The following ALKBH7 variants were observed in gnomAD, a reference collection of about 807,000 sequenced individuals.
ALKBH7 encodes the protein alkB homolog 7, RNA demethylase, also known as RNA demethylase ALKBH7, mitochondrial.
In ALKBH7, 21 loss-of-function variants were observed where a neutral mutation model predicts 19.3. That is an observed-to-expected ratio of 1.09 (90% CI 0.77 to 1.56). ALKBH7 has a LOEUF of 1.56. Ranked by LOEUF, ALKBH7 falls within the 40% of genes most tolerant of loss-of-function variation. The pLI, the probability that ALKBH7 is intolerant of heterozygous loss-of-function variation, is 0.00. For synonymous variants in ALKBH7, 147 were observed against 139.5 expected, an observed-to-expected ratio of 1.05 and a Z score of -0.38; for missense variants, 354 against 311.4, an observed-to-expected ratio of 1.14 and a Z score of -1.03.
chr19:6,374,642 C>T (rs1599203398), intron 3 of ALKBH7, 53 bp downstream of exon 3: 2 of 1,611,284 alleles, frequency 1.2e-6, no homozygotes, highest in Non-Finnish European at 1.7e-6. Context: ...ATCCGCCCAC[C>T]CTGTGCCCTG....
At chr19:6,374,636 G>A (rs2091911988) in intron 3 of ALKBH7, 47 bp downstream of exon 3, 9 of 1,611,324 alleles carry the variant, frequency 5.6e-6, no homozygotes, top group South Asian at 4.4e-5. Flanking sequence ...TGTGCCATCC[G>A]CCCACCCTGT....
chr19:6,373,545 G>C, intron 1 of ALKBH7: 1 of 871,364 alleles, frequency 1.1e-6, no homozygotes, highest in Admixed American at 4.2e-5. Context: ...GGCTGGGATT[G>C]GGGCGTGGTC....
Position 6,374,538 on chromosome 19 carries a change from CG to C in ALKBH7, c.457del (p.Glu153SerfsTer48). ...SVMRLVHTQEPGEWLELLLEP... is the reference protein window; with the variant it reads ...SVMRLVHTQEXGEWLELLLEP... ...ATGCGGCTGGTGCACACCCAGGAGC[CG>C]GGGGAGTGGCTGGAACTCTTGCTGG... On this transcript the variant is annotated frameshift_variant, in exon 3 of 4. Transcript: ENST00000245812. LOFTEE classifies it high-confidence loss of function. The C allele has an allele frequency of 6.2e-7, 1 of 1,613,918 alleles. No homozygotes were observed. The highest frequency in any genetic ancestry group is 8.5e-7 in the Non-Finnish European group (1 of 1,179,968).
At chr19:6,373,137 A>T in intron 1 of ALKBH7, 113 bp downstream of exon 1, 1 of 1,314,698 alleles carries the variant, frequency 7.6e-7, no homozygotes, top group Non-Finnish European at 1.0e-6. Context: ...TAGAGCGGGG[A>T]TTTGGAGCGG....
chr19:6,373,389 G>A, intron 1 of ALKBH7: 1 of 430,212 alleles, frequency 2.3e-6, no homozygotes, highest in South Asian at 3.6e-5. Context: ...TGGGGGCGGG[G>A]ACAGTGGGGA....
chr19:6,374,750 G>T, intron 3 of ALKBH7, 61 bp from the exon 4 acceptor site: 1 of 1,596,214 alleles, frequency 6.3e-7, no homozygotes. Flanking sequence ...CTGGAATCCA[G>T]GTCTGCCTGG....
In ALKBH7 at chr19:6,372,849, GGAC is replaced by G. The variant is rs2091897256; in HGVS notation, c.31_33del (p.Thr11del). On this transcript the variant is annotated inframe_deletion, in exon 1 of 4. Transcript: ENST00000245812. The stretch of plus-strand genomic sequence containing the variant: ...GCCGGGACTGGGCTGCTGGCGCTGC[GGAC>G]GCTGCCAGGGCCCAGCTGGGTGCGA... The G allele has an allele frequency of 6.5e-7, 1 of 1,548,318 alleles. No homozygotes were observed. Among genetic ancestry groups the G allele is most frequent in the Non-Finnish European group, 8.7e-7 (1 of 1,150,858 alleles).
At chr19:6,373,601 G>A in intron 1 of ALKBH7, 1 of 1,225,782 alleles carries the variant, frequency 8.2e-7, no homozygotes, top group South Asian at 3.6e-5. Flanking sequence ...TTGGGGCGGG[G>A]TCCGTGGAGT....
In ALKBH7 at chr19:6,374,212, G is replaced by C. The variant is rs758009098; in HGVS notation, c.214G>C (p.Gly72Arg). 3.1e-6 allele frequency: 5 copies of C among 1,612,772 alleles called. No individual in the cohort carries two copies. Among genetic ancestry groups the C allele is most frequent in the Non-Finnish European group, 3.4e-6 (4 of 1,179,700 alleles). The change falls in exon 2 of 4, where the codon GGC becomes CGC. Residue 72 changes from glycine (G) to arginine (R), a missense_variant. Transcript: ENST00000245812. Reference protein sequence around the residue: ...EYDHWDAAIHGFRETEKSRWS... With the variant: ...EYDHWDAAIHRFRETEKSRWS... ...CGAGCTCTCTGTGCAGGCCATCCAC[G>C]GCTTCCGAGAGACAGAGAAGTCGCG...
Position 6,373,003 on chromosome 19 carries a change from C to T in ALKBH7, c.183C>T (p.Tyr61=). 5 of 1,573,748 alleles carry T rather than the reference C, an allele frequency of 3.2e-6. No homozygotes were observed. Among genetic ancestry groups the T allele is most frequent in the Middle Eastern group, 2.3e-4 (1 of 4,390 alleles). Residue 61 remains tyrosine, a synonymous_variant, in exon 1 of 4, where the codon TAC becomes TAT. Coordinates refer to ENST00000245812, the MANE Select transcript of ALKBH7 (RefSeq NM_032306.4). ...AGCCCGAGCTGCGCCGCCGCCGCTA[C>T]GAATACGATCACTGGGACGCGGTGA... ...ELEPELRRRR[Y]EYDHWDAAIH... is the part of the protein sequence containing the mutation.
intron 1 of ALKBH7, chr19:6,373,697 G>A: frequency 8.0e-7 from 1 of 1,253,966 alleles, no homozygotes; most frequent in Middle Eastern, 3.0e-4. Context: ...TGGGGGCGGA[G>A]ATAGGGGAGA....
At position 6,372,954 on chromosome 19, in the gene ALKBH7, A is replaced by T; in HGVS notation, c.134A>T (p.Glu45Val). ...CCTGGCTTCCTGAGCACGGCAGAGG[A>T]GGAGACGCTGAGCCGAGAACTGGAG... The part of the protein sequence containing the change: ...VRPGFLSTAE[E>V]ETLSRELEPE... The change falls in exon 1 of 4, where the codon GAG becomes GTG. Residue 45 changes from glutamate to valine, a missense_variant. Physicochemically the swap from Glu to Val is moderately radical, Grantham distance 121 (BLOSUM62 -2). Coordinates refer to ENST00000245812, the MANE Select transcript of ALKBH7 (RefSeq NM_032306.4). 1 of 1,574,562 alleles carries T rather than the reference A, an allele frequency of 6.4e-7. No individual in the cohort carries two copies. The highest frequency in any genetic ancestry group is 8.6e-7 in the Non-Finnish European group (1 of 1,163,026).
Position 6,372,869 on chromosome 19 carries a change from T to C in ALKBH7, c.49T>C (p.Trp17Arg), listed in dbSNP as rs2091897410. The change falls in exon 1 of 4, where the codon TGG (tryptophan) becomes CGG (arginine). Residue 17 changes from tryptophan (W) to arginine (R), a missense_variant. Trp to Arg is a moderately radical substitution (Grantham distance 101). Coordinates refer to ENST00000245812, the MANE Select transcript of ALKBH7 (RefSeq NM_032306.4). ...GCTGCGGACGCTGCCAGGGCCCAGC[T>C]GGGTGCGAGGCTCGGGCCCTTCCGT... is the stretch of plus-strand genomic sequence containing the variant. ...LALRTLPGPSWVRGSGPSVLS... is the reference protein window; with the variant it reads ...LALRTLPGPSRVRGSGPSVLS... 1 of 1,551,016 alleles carries C rather than the reference T, an allele frequency of 6.4e-7. No individual in the cohort carries two copies. The highest frequency in any genetic ancestry group is 8.7e-7 in the Non-Finnish European group (1 of 1,151,346).
chr19:6,373,763 G>A, intron 1 of ALKBH7: 5 of 1,273,704 alleles, frequency 3.9e-6, no homozygotes, highest in Non-Finnish European at 4.9e-6. Context: ...GCAGGGATTT[G>A]GGAGCTGGGC....
chr19:6,373,522 A>T (rs1165606787), intron 1 of ALKBH7: 1 of 673,752 alleles, frequency 1.5e-6, no homozygotes. Context: ...GTTACAGTGC[A>T]GAAGAACGTG....
rs962155835 is a variant in ALKBH7 at position 6,375,162 on chromosome 19, G to A, written c.*189G>A. On this transcript the variant is annotated 3_prime_UTR_variant, in exon 4 of 4. Coordinates refer to ENST00000245812, the MANE Select transcript of ALKBH7 (RefSeq NM_032306.4). Reference sequence around the variant, plus strand: ...AAAGTCACAAGGCCGGGAGAGTGGTGTCCTTTATTGCACTCACTGCTGGTC... The same window carrying A: ...AAAGTCACAAGGCCGGGAGAGTGGTATCCTTTATTGCACTCACTGCTGGTC... The A allele has an allele frequency of 1.5e-4, 198 of 1,281,990 alleles. No individual in the cohort carries two copies. The highest frequency in any genetic ancestry group is 2.0e-4 in the Non-Finnish European group (191 of 967,826). 79.4% of individuals were successfully genotyped at this position (1,281,990 alleles called of 1,614,324 possible).
intron 1 of ALKBH7, chr19:6,373,918 C>T: frequency 2.0e-6 from 2 of 985,106 alleles, no homozygotes; most frequent in Non-Finnish European, 2.4e-6. Flanking sequence ...TGTTGAGAGA[C>T]AGAGACAGGA....
Position 6,375,217 on chromosome 19 carries a change from C to G in ALKBH7, c.*244C>G, listed in dbSNP as rs561270428. On this transcript the variant is annotated 3_prime_UTR_variant, in exon 4 of 4. Transcript: ENST00000245812. ...CAGCCCACTCCCCTCCTCGTTGTCT[C>G]TGCATCCAGGTCTCCAATAAATAAG... 17 of 1,371,978 alleles carry G rather than the reference C, an allele frequency of 1.2e-5. No homozygotes were observed. The highest frequency in any genetic ancestry group is 1.5e-5 in the African/African-American group (1 of 66,186). The allele number at this position is 1,371,978 out of a possible 1,614,324, so 85.0% of individuals were successfully genotyped here. A position where few individuals can be genotyped will look rare whatever the true frequency, so the allele number is the denominator to read the frequency against.
At position 6,373,479 on chromosome 19, in the gene ALKBH7, G is replaced by C. The variant is rs913629452; in HGVS notation, c.204+455G>C. The C allele has an allele frequency of 1.3e-5, 7 of 530,170 alleles. No homozygotes were observed. In the African/African-American group the frequency reaches 1.4e-4, roughly 11 times the overall value. 32.8% of individuals were successfully genotyped at this position (530,170 alleles called of 1,614,324 possible). On this transcript the variant is annotated intron_variant, in intron 1 of 3. Coordinates refer to ENST00000245812, the MANE Select transcript of ALKBH7 (RefSeq NM_032306.4). The stretch of plus-strand genomic sequence containing the variant: ...CGTGGGGGTGGGGCCAGGGAGTCGG[G>C]TGTAGGGTTGGGGTGCGATTACGCT...
Sources: allele counts gnomAD v4.1 joint callset, GRCh38; gene constraint gnomAD v4.1.1; transcripts MANE v1.5; gene names NCBI Gene and HGNC (gene_info 2026-07-23, HGNC 2026-07-21).